NXPH1: variants seen among roughly 807,000 people sequenced by gnomAD.
The protein encoded by NXPH1 is neurexophilin 1, also known as neurexophilin-1.
Under a neutral mutation model 23.7 loss-of-function variants are expected in NXPH1, and 5 were observed. The observed-to-expected ratio is 0.21, with a 90% CI of 0.11 to 0.44. The LOEUF is 0.44. NXPH1 is among the 20% of genes least tolerant of loss of function. The pLI is 0.99. For synonymous variants in NXPH1, 144 were observed against 122.2 expected, an observed-to-expected ratio of 1.18 and a Z score of -1.18; for missense variants, 324 against 321.6, an observed-to-expected ratio of 1.01 and a Z score of -0.06.
intron 2 of NXPH1, among the ~76,000 whole-genome samples, chr7:8,495,946 C>A (rs1053542861): frequency 2.6e-5 from 4 of 151,932 alleles, no homozygotes; most frequent in Admixed American, 2.6e-4. Flanking sequence ...CTATTGTGGG[C>A]TTGTCATGGG....
At chr7:8,616,849 A>G (rs1819750875) in intron 2 of NXPH1, among the ~76,000 whole-genome samples, 1 of 127,076 alleles carries the variant, frequency 7.9e-6, no homozygotes. Context: ...GATCAAGTTT[A>G]TGTTAAAAAA....
intron 2 of NXPH1, among the ~76,000 whole-genome samples, chr7:8,675,425 CT>C (rs1403012081): frequency 6.6e-6 from 1 of 152,056 alleles, no homozygotes; most frequent in Non-Finnish European, 1.5e-5. Flanking sequence ...ATACAATGTA[CT>C]TCATATCTTT....
intron 2 of NXPH1, among the ~76,000 whole-genome samples, chr7:8,603,167 G>C (rs1268640552): frequency 6.6e-6 from 1 of 152,168 alleles, no homozygotes; most frequent in East Asian, 1.9e-4. Flanking sequence ...TAATGCCTAA[G>C]AGATATTTGT....
chr7:8,705,557 A>C (rs1427397404), intron 2 of NXPH1, among the ~76,000 whole-genome samples: 1 of 152,160 alleles, frequency 6.6e-6, no homozygotes, highest in African/African-American at 2.4e-5. Flanking sequence ...ATTTTGAAGA[A>C]GATATATGTA....
chr7:8,606,215 G>C (rs11505589), intron 2 of NXPH1, among the ~76,000 whole-genome samples: 41,933 of 151,820 alleles, frequency 0.28, 6,265 homozygotes, highest in African/African-American at 0.36. Context: ...CAGATGAACA[G>C]ATTGATAGAA....
chr7:8,714,827 G>A (rs545105981), intron 2 of NXPH1, among the ~76,000 whole-genome samples: 1 of 152,228 alleles, frequency 6.6e-6, no homozygotes, highest in Admixed American at 6.5e-5. Flanking sequence ...GCATGACAAA[G>A]TCCTCTTTAC....
At chr7:8,533,114 T>G (rs144790735) in intron 2 of NXPH1, among the ~76,000 whole-genome samples, 324 of 152,240 alleles carry the variant, frequency 2.1e-3, no homozygotes, top group African/African-American at 7.4e-3. Flanking sequence ...GTGACCTGTT[T>G]TAGGTCACAC....
Position 8,494,047 on chromosome 7 carries a change from G to A in NXPH1, c.54+58280G>A, listed in dbSNP as rs540209758. Among the ~76,000 whole-genome samples, 12 of 152,092 alleles carry A rather than the reference G, an allele frequency of 7.9e-5. No homozygotes were observed. In the East Asian group the frequency reaches 2.3e-3, roughly 30 times the overall value. Reference sequence around the variant, plus strand: ...TTAGAAAAGTTCTTTCTTATGTATAGTATCCTAGATTTTTTCCGTCTCAGG... The same window carrying A: ...TTAGAAAAGTTCTTTCTTATGTATAATATCCTAGATTTTTTCCGTCTCAGG... On this transcript the variant is annotated intron_variant, in intron 2 of 2. Transcript: ENST00000405863.
At position 8,751,270 on chromosome 7, in the gene NXPH1, G is replaced by C; in HGVS notation, c.317G>C (p.Arg106Thr). 6.2e-7 allele frequency: 1 copy of C among 1,613,938 alleles called. No homozygotes were observed. Among genetic ancestry groups the C allele is most frequent in the Middle Eastern group, 1.6e-4 (1 of 6,062 alleles). ...CAAGAGCCTCGGCCCAGGGCCAAGA[G>C]AAGGCCCATTGTTAAAACGGGCAAG... ...DLQEPRPRAK[R>T]RPIVKTGKFK... The change falls in exon 3 of 3, where the codon AGA becomes ACA. Residue 106 changes from arginine (R) to threonine (T), a missense_variant. By Grantham distance (71) the Arg-to-Thr change is moderately conservative. Transcript: ENST00000405863. The surrounding 1 kb of genome is among the most constrained non-coding windows in gnomAD (Gnocchi z 4.5).
intron 2 of NXPH1, among the ~76,000 whole-genome samples, chr7:8,685,737 G>A (rs115346845): frequency 4.6e-5 from 7 of 151,958 alleles, no homozygotes; most frequent in East Asian, 3.9e-4. Context: ...TGAACTCATC[G>A]ATATAGAGAG....
intron 2 of NXPH1, among the ~76,000 whole-genome samples, chr7:8,529,198 G>A (rs991309324): frequency 9.2e-5 from 14 of 152,198 alleles, no homozygotes; most frequent in Non-Finnish European, 1.8e-4. Flanking sequence ...AAAGACTCAC[G>A]TGATCACATT....
intron 2 of NXPH1, chr7:8,690,300 A>T (rs568899637): frequency 3.7e-4 from 57 of 152,360 alleles, no homozygotes; most frequent in African/African-American, 1.4e-3. Flanking sequence ...AGCAGCAGAA[A>T]GTCTATTAAT....
intron 2 of NXPH1, among the ~76,000 whole-genome samples, chr7:8,628,366 AG>A (rs1411798048): frequency 7.8e-6 from 1 of 128,284 alleles, no homozygotes; most frequent in Non-Finnish European, 1.6e-5. Flanking sequence ...TTTTATGCAT[AG>A]GTGTTTTTTT....
At chr7:8,538,587 G>T (rs1450730657) in intron 2 of NXPH1, among the ~76,000 whole-genome samples, 1 of 151,896 alleles carries the variant, frequency 6.6e-6, no homozygotes. Context: ...ACAGGTCATG[G>T]CATGAATAAG....
At chr7:8,714,147 C>T (rs533054609) in intron 2 of NXPH1, among the ~76,000 whole-genome samples, 1 of 152,314 alleles carries the variant, frequency 6.6e-6, no homozygotes, top group Non-Finnish European at 1.5e-5. Context: ...ACTGAAACCA[C>T]TACACAAAGT....
intron 2 of NXPH1, among the ~76,000 whole-genome samples, chr7:8,456,671 A>C (rs1816601003): frequency 6.6e-6 from 1 of 152,310 alleles, no homozygotes; most frequent in Non-Finnish European, 1.5e-5. Flanking sequence ...AACCAAAACA[A>C]AAGTAGTTGA....
chr7:8,630,988 C>G (rs536021547), intron 2 of NXPH1, among the ~76,000 whole-genome samples: 4 of 152,084 alleles, frequency 2.6e-5, no homozygotes, highest in Non-Finnish European at 5.9e-5. Context: ...CATGTGTTCT[C>G]ATCATCTAGT....
intron 2 of NXPH1, among the ~76,000 whole-genome samples, chr7:8,684,883 C>A (rs1243583745): frequency 6.6e-6 from 1 of 152,144 alleles, no homozygotes; most frequent in Non-Finnish European, 1.5e-5. Flanking sequence ...TATCTTCCAA[C>A]ATAAATAATG....
chr7:8,603,215 C>T lies in NXPH1; in HGVS notation c.55-147793C>T, dbSNP rs140483136. ...TTATTGACTGTAAGTAAGGAGCATA[C>T]ATGGGCTATGTCCAAATTTGTTGGA... On this transcript the variant is annotated intron_variant, in intron 2 of 2. Coordinates refer to ENST00000405863, the MANE Select transcript of NXPH1 (RefSeq NM_152745.3). Among the ~76,000 whole-genome samples the T allele has an allele frequency of 5.9e-5, 9 of 152,216 alleles. No homozygotes were observed. In the East Asian group the frequency reaches 1.7e-3, roughly 29 times the overall value.
Sources: allele counts gnomAD v4.1 joint callset (sites outside exome capture counted in the v4.1 genomes callset), GRCh38; gene constraint gnomAD v4.1.1; non-coding constraint Gnocchi (gnomAD v3.1); transcripts MANE v1.5; gene names NCBI Gene and HGNC (gene_info 2026-07-23, HGNC 2026-07-21).